LINGO2: variants seen among roughly 807,000 people sequenced by gnomAD.
LINGO2 encodes the protein leucine rich repeat and Ig domain containing 2.
LINGO2 carries 14 observed loss-of-function variants against 30.6 expected under a neutral mutation model. The observed-to-expected ratio is 0.46, with a 90% CI of 0.30 to 0.72. The LOEUF (loss-of-function observed/expected upper bound fraction) is 0.72. LINGO2 is among the 30% of genes least tolerant of loss of function. The pLI, the probability that LINGO2 is intolerant of heterozygous loss-of-function variation, is 0.07. For missense variants in LINGO2, 729 were observed against 751.7 expected (o/e 0.97, Z 0.35); for synonymous variants, 317 against 288.5 (o/e 1.10, Z -1.00).
At chr9:28,838,338 G>C in the LINGO2 span, among the ~76,000 whole-genome samples, 1 of 151,936 alleles carries the variant, frequency 6.6e-6, no homozygotes, top group Non-Finnish European at 1.5e-5. Flanking sequence ...AAGTATAGTT[G>C]TTCTCATACA....
At chr9:28,785,974 C>T in the LINGO2 span, among the ~76,000 whole-genome samples, 1 of 152,258 alleles carries the variant, frequency 6.6e-6, no homozygotes, top group South Asian at 2.1e-4. Flanking sequence ...GTAACAAATC[C>T]ATTTATCTGC....
chr9:28,265,610 A>T (rs934317868), intron 4 of LINGO2, among the ~76,000 whole-genome samples: 1 of 152,022 alleles, frequency 6.6e-6, no homozygotes, highest in Admixed American at 6.6e-5. Flanking sequence ...GACACATGCA[A>T]CTTCTCAAAT....
intron 2 of LINGO2, among the ~76,000 whole-genome samples, chr9:28,395,694 T>C (rs1035325584): frequency 6.6e-6 from 1 of 152,178 alleles, no homozygotes; most frequent in African/African-American, 2.4e-5. Context: ...TAAACAGACA[T>C]AGTATAAAGT....
chr9:28,639,097 C>A (rs894154911), intron 1 of LINGO2, among the ~76,000 whole-genome samples: 31 of 152,134 alleles, frequency 2.0e-4, no homozygotes, highest in Admixed American at 1.2e-3. Context: ...CACTCAGGAG[C>A]AGGTTGTTCA....
At chr9:29,127,481 C>T in the LINGO2 span, among the ~76,000 whole-genome samples, 15 of 152,150 alleles carry the variant, frequency 9.9e-5, no homozygotes, top group East Asian at 1.9e-4. Flanking sequence ...CAACTTGGGA[C>T]GCTCAGTGGA....
the LINGO2 span, among the ~76,000 whole-genome samples, chr9:29,042,938 G>A: frequency 6.6e-6 from 1 of 151,894 alleles, no homozygotes; most frequent in Non-Finnish European, 1.5e-5. Flanking sequence ...AGGGTGTCAG[G>A]GTAGCAATGG....
At chr9:28,914,666 T>A in the LINGO2 span, among the ~76,000 whole-genome samples, 1 of 152,124 alleles carries the variant, frequency 6.6e-6, no homozygotes, top group African/African-American at 2.4e-5. Context: ...GGGCCAATTT[T>A]TCATATATTT....
the LINGO2 span, among the ~76,000 whole-genome samples, chr9:29,106,090 T>G: frequency 6.6e-6 from 1 of 152,208 alleles, no homozygotes; most frequent in East Asian, 1.9e-4. Flanking sequence ...CTCATTTCTT[T>G]GGCAATTTGT....
At chr9:28,306,495 A>G (rs1026185546) in intron 3 of LINGO2, among the ~76,000 whole-genome samples, 1 of 152,138 alleles carries the variant, frequency 6.6e-6, no homozygotes, top group Non-Finnish European at 1.5e-5. Context: ...CAAAACTGAC[A>G]CCCTAACATC....
the LINGO2 span, among the ~76,000 whole-genome samples, chr9:28,785,705 C>CAT: frequency 0.015 from 1,891 of 126,652 alleles, 43 homozygotes; most frequent in African/African-American, 0.041. Context: ...CACACACACA[C>CAT]ATGCACACAC....
intron 4 of LINGO2, among the ~76,000 whole-genome samples, chr9:28,226,458 C>T (rs1363061273): frequency 1.3e-5 from 2 of 151,804 alleles, no homozygotes; most frequent in African/African-American, 2.4e-5. Flanking sequence ...ATCATTTGCA[C>T]GCTTTTTTCT....
the LINGO2 span, among the ~76,000 whole-genome samples, chr9:29,177,548 A>G: frequency 5.9e-5 from 9 of 152,218 alleles, no homozygotes; most frequent in Admixed American, 4.6e-4. Flanking sequence ...CCAGAAAAAA[A>G]ACATGGATAT....
the LINGO2 span, among the ~76,000 whole-genome samples, chr9:29,076,351 G>T: frequency 6.6e-6 from 1 of 151,718 alleles, no homozygotes; most frequent in Admixed American, 6.6e-5. Context: ...CCTTTCTTCA[G>T]CAGCAAGCAT....
intron 1 of LINGO2, among the ~76,000 whole-genome samples, chr9:28,556,293 C>T (rs983157877): frequency 6.6e-6 from 1 of 152,070 alleles, no homozygotes; most frequent in Non-Finnish European, 1.5e-5. Flanking sequence ...GCAACTTCAG[C>T]AAAGTCTCAG....
chr9:28,520,551 C>T (rs1258546622), intron 1 of LINGO2, among the ~76,000 whole-genome samples: 2 of 152,144 alleles, frequency 1.3e-5, no homozygotes, highest in Admixed American at 1.3e-4. Flanking sequence ...ATTGTTGATA[C>T]GTTACTTGTC....
At chr9:28,104,053 A>C (rs147102128) in intron 4 of LINGO2, among the ~76,000 whole-genome samples, 1 of 152,138 alleles carries the variant, frequency 6.6e-6, no homozygotes, top group East Asian at 1.9e-4. Context: ...AAAGGGGGAA[A>C]AAAACTCCTA....
chr9:27,940,172 T>G, the LINGO2 span: 1 of 152,150 alleles, frequency 6.6e-6, no homozygotes, highest in African/African-American at 2.4e-5. Context: ...CCCAGATGGT[T>G]CTTAGTAATA....
At chr9:28,680,852 T>C in the LINGO2 span, among the ~76,000 whole-genome samples, 5 of 152,242 alleles carry the variant, frequency 3.3e-5, no homozygotes, top group East Asian at 9.7e-4. Flanking sequence ...GTGAATTCTT[T>C]ATGCATTTTT....
intron 4 of LINGO2, among the ~76,000 whole-genome samples, chr9:28,021,778 G>C (rs996224571): frequency 6.6e-6 from 1 of 151,960 alleles, no homozygotes; most frequent in African/African-American, 2.4e-5. Context: ...AGTCAGTTTC[G>C]TTTAATACAC....
Sources: allele counts gnomAD v4.1 joint callset (sites outside exome capture counted in the v4.1 genomes callset), GRCh38; gene constraint gnomAD v4.1.1; transcripts MANE v1.5; gene names NCBI Gene and HGNC (gene_info 2026-07-23, HGNC 2026-07-21).